MGST2: variants seen among roughly 807,000 people sequenced by gnomAD.
MGST2 encodes microsomal glutathione S-transferase 2, also known as glutathione peroxidase MGST2.
In MGST2, 9 loss-of-function variants were observed where a neutral mutation model predicts 16.6. The ratio of observed to expected loss-of-function variants is 0.54; its 90% CI spans 0.33 to 0.95. The LOEUF (loss-of-function observed/expected upper bound fraction) is 0.95. MGST2 is among the 40% of genes least tolerant of loss of function. MGST2 has a pLI of 0.03. For missense variants in MGST2, 159 were observed against 175.1 expected (o/e 0.91, Z 0.52); for synonymous variants, 79 against 68.0 (o/e 1.16, Z -0.79).
At position 139,685,598 on chromosome 4, in the gene MGST2, T is replaced by C. The variant is rs529352080; in HGVS notation, c.158+6956T>C. The stretch of plus-strand genomic sequence containing the variant: ...ATCATGATACATTTTTGATATCCTG[T>C]GCACACCCATTTTCCCTTGTCAACA... On this transcript the variant is annotated intron_variant, in intron 2 of 4. Transcript: ENST00000265498. Among the ~76,000 whole-genome samples the C allele has an allele frequency of 2.6e-5, 4 of 152,342 alleles. No homozygotes were observed. In the South Asian group the frequency reaches 6.2e-4, roughly 24 times the overall value.
chr4:139,729,156 C>CAAAAAGAAAAAAAAAG (rs1728597449), intron 5 of MGST2, among the ~76,000 whole-genome samples: 1 of 81,704 alleles, frequency 1.2e-5, no homozygotes, highest in African/African-American at 4.8e-5. Context: ...GGAACAAAAG[C>CAAAAAGAAAAAAAAAG]AAAAAAAAAA....
At chr4:139,677,175 T>G (rs1731003610) in intron 1 of MGST2, among the ~76,000 whole-genome samples, 1 of 152,192 alleles carries the variant, frequency 6.6e-6, no homozygotes, top group South Asian at 2.1e-4. Context: ...AAATATCTGA[T>G]AGGTCTCAAC....
At chr4:139,752,073 C>T in the MGST2 span, among the ~76,000 whole-genome samples, 3 of 152,094 alleles carry the variant, frequency 2.0e-5, no homozygotes, top group Admixed American at 6.5e-5. Flanking sequence ...CTTTGGGATT[C>T]GAATTCTAAC....
intron 2 of MGST2, among the ~76,000 whole-genome samples, chr4:139,687,293 T>C (rs1189118258): frequency 2.0e-5 from 3 of 152,238 alleles, no homozygotes; most frequent in Admixed American, 2.0e-4. Context: ...TACTTTGAAT[T>C]TCTTCTTGAA....
intron 5 of MGST2, among the ~76,000 whole-genome samples, chr4:139,733,569 A>C (rs565604089): frequency 2.6e-5 from 4 of 152,180 alleles, no homozygotes; most frequent in South Asian, 4.2e-4. Flanking sequence ...AAAAAAAAAA[A>C]AAAAAACCCT....
chr4:139,677,968 G>A (rs1026375227), intron 1 of MGST2, among the ~76,000 whole-genome samples: 2 of 152,166 alleles, frequency 1.3e-5, no homozygotes, highest in African/African-American at 2.4e-5. Context: ...GGAGTTCTCA[G>A]CTTGACTTTT....
chr4:139,728,387 A>C (rs1728563873), intron 5 of MGST2, among the ~76,000 whole-genome samples: 1 of 152,224 alleles, frequency 6.6e-6, no homozygotes, highest in African/African-American at 2.4e-5. Flanking sequence ...GCCACGTGAC[A>C]GGCCCCCACA....
At chr4:139,747,856 C>A in the MGST2 span, among the ~76,000 whole-genome samples, 1 of 151,860 alleles carries the variant, frequency 6.6e-6, no homozygotes, top group African/African-American at 2.4e-5. Flanking sequence ...GAGTTCGACA[C>A]AAGCCTGATC....
At chr4:139,687,529 A>T (rs1731632244) in intron 2 of MGST2, 1 of 152,252 alleles carries the variant, frequency 6.6e-6, no homozygotes, top group Non-Finnish European at 1.5e-5. Context: ...GACCAGAAGC[A>T]CTGGTTTCCC....
At position 139,726,711 on chromosome 4, in the gene MGST2, G is replaced by A. The variant is rs538503140; in HGVS notation, c.*49-13501G>A. 2.0e-5 allele frequency among the ~76,000 whole-genome samples: 3 copies of A among 152,290 alleles called. No homozygotes were observed. The South Asian group carries it at 6.2e-4, about 32-fold the overall frequency. On this transcript the variant is annotated intron_variant, in intron 5 of 5. Coordinates refer to the MGST2 transcript ENST00000616265. The stretch of plus-strand genomic sequence containing the variant: ...AACTATTCAGCATTTACTGCTTTGA[G>A]GAAACCATGTGGGATTCCACATATA...
At position 139,719,373 on chromosome 4, in the gene MGST2, G is replaced by A. The variant is rs61743025; in HGVS notation, c.*48+15177G>A. 3.5e-3 allele frequency: 5,590 copies of A among 1,611,470 alleles called. 14 individuals carry two copies. The highest frequency in any genetic ancestry group is 4.3e-3 in the Non-Finnish European group (5,060 of 1,178,268). On this transcript the variant is annotated intron_variant, in intron 5 of 5. Transcript: ENST00000616265. ...AGCTCCTGCATCCACTCGTCCCCTG[G>A]CCCGCCTTTGATGATGGAGTCCACA...
intron 1 of MGST2, among the ~76,000 whole-genome samples, chr4:139,667,762 G>A (rs1730446281): frequency 6.6e-6 from 1 of 152,040 alleles, no homozygotes; most frequent in African/African-American, 2.4e-5. Flanking sequence ...GGAGGCTGAG[G>A]CAGGAGAATC....
chr4:139,707,691 A>G (rs1460771513), downstream of MGST2, among the ~76,000 whole-genome samples: 5 of 149,996 alleles, frequency 3.3e-5, no homozygotes, highest in African/African-American at 7.3e-5. Context: ...AAGTGTTCCT[A>G]TTTCTCCACA....
chr4:139,729,814 G>A (rs932836302), intron 5 of MGST2, among the ~76,000 whole-genome samples: 2 of 152,216 alleles, frequency 1.3e-5, no homozygotes, highest in African/African-American at 4.8e-5. Flanking sequence ...TTTGTGTTAG[G>A]CTTTCCTTTA....
At position 139,665,830 on chromosome 4, in the gene MGST2, T is replaced by C; in HGVS notation, c.-190T>C. 1.5e-6 allele frequency: 1 copy of C among 665,428 alleles called. No homozygotes were observed. The highest frequency in any genetic ancestry group is 2.7e-6 in the Non-Finnish European group (1 of 366,900). 41.2% of individuals were successfully genotyped at this position (665,428 alleles called of 1,614,324 possible). On this transcript the variant is annotated 5_prime_UTR_variant, in exon 1 of 5. Coordinates refer to ENST00000265498, the MANE Select transcript of MGST2 (RefSeq NM_002413.5). ...CAACTCCCAGCCCCATAAAGATCTG[T>C]GACCGGCAGCCCCAGACCTGCCTGC...
the MGST2 span, among the ~76,000 whole-genome samples, chr4:139,750,890 T>C: frequency 4.6e-5 from 7 of 152,216 alleles, no homozygotes; most frequent in Non-Finnish European, 8.8e-5. Flanking sequence ...TGTTTTGCTT[T>C]TACATTTCTG....
chr4:139,682,255 AAC>A (rs1463309796), intron 2 of MGST2, among the ~76,000 whole-genome samples: 25 of 150,386 alleles, frequency 1.7e-4, no homozygotes, highest in African/African-American at 5.7e-4. Context: ...AAAAAAAAAA[AAC>A]AAAAACAGAA....
At chr4:139,720,839 A>G (rs541960583) in intron 5 of MGST2, among the ~76,000 whole-genome samples, 1 of 152,230 alleles carries the variant, frequency 6.6e-6, no homozygotes, top group Non-Finnish European at 1.5e-5. Flanking sequence ...CTATTTGTGA[A>G]GTGGAACATG....
In MGST2 at chr4:139,716,350, A is replaced by C. The variant is rs1579349474; in HGVS notation, c.*48+12154A>C. ...CAGTGCTCACTACAGTGGAACAAGAACCTTTATTACTTCCCCTCAATATAT... is the reference window on the plus strand; with the variant it reads ...CAGTGCTCACTACAGTGGAACAAGACCCTTTATTACTTCCCCTCAATATAT... On this transcript the variant is annotated intron_variant, in intron 5 of 5. Transcript: ENST00000616265. 1.3e-5 allele frequency among the ~76,000 whole-genome samples: 2 copies of C among 152,206 alleles called. 1 individual carries two copies. Among genetic ancestry groups the C allele is most frequent in the South Asian group, 4.2e-4 (2 of 4,812 alleles).
Sources: gnomAD v4.1 joint callset for allele counts (sites outside exome capture counted in the v4.1 genomes callset) on GRCh38, gnomAD v4.1.1 for gene constraint, MANE v1.5 for transcripts, NCBI Gene and HGNC (gene_info 2026-07-23, HGNC 2026-07-21) for gene names.